Variants in RGS7 observed in about 807,000 individuals in gnomAD.
The protein encoded by RGS7 is regulator of G-protein signaling 7.
In RGS7, 27 loss-of-function variants were observed where a neutral mutation model predicts 81.1. The ratio of observed to expected loss-of-function variants is 0.33; its 90% CI spans 0.25 to 0.46. RGS7 has a LOEUF of 0.46. Ranked by LOEUF, RGS7 falls within the 20% of genes least tolerant of loss-of-function variation. The pLI is 1.00. For synonymous variants in RGS7, 208 were observed against 207.7 expected, an observed-to-expected ratio of 1.00 and a Z score of -0.01; for missense variants, 396 against 607.4, an observed-to-expected ratio of 0.65 and a Z score of 3.66.
chr1:241,240,021 A>T (rs959205103), intron 2 of RGS7, among the ~76,000 whole-genome samples: 5 of 152,216 alleles, frequency 3.3e-5, no homozygotes, highest in African/African-American at 1.2e-4. Context: ...TCAGATAGAC[A>T]TTATAGAAAC....
chr1:240,807,943 G>A (rs1689159629), intron 14 of RGS7, among the ~76,000 whole-genome samples: 1 of 150,666 alleles, frequency 6.6e-6, no homozygotes, highest in South Asian at 2.1e-4. Flanking sequence ...GCTGAGGCAC[G>A]AGAATCGCTT....
chr1:241,186,220 A>T (rs2072085333), intron 2 of RGS7, among the ~76,000 whole-genome samples: 1 of 152,198 alleles, frequency 6.6e-6, no homozygotes, highest in Admixed American at 6.5e-5. Flanking sequence ...TGACTCACTC[A>T]AAAACATTTT....
chr1:241,149,086 G>C (rs1057385800), intron 2 of RGS7, among the ~76,000 whole-genome samples: 7 of 152,202 alleles, frequency 4.6e-5, no homozygotes, highest in Non-Finnish European at 1.0e-4. Context: ...TATTTCTCAA[G>C]TGTTAGCTAT....
chr1:240,868,296 T>G lies in RGS7; in HGVS notation c.609+291A>C, dbSNP rs914730305. Among the ~76,000 whole-genome samples, 1 of 152,172 alleles carries G rather than the reference T, an allele frequency of 6.6e-6. No homozygotes were observed. Among genetic ancestry groups the G allele is most frequent in the African/African-American group, 2.4e-5 (1 of 41,448 alleles). On this transcript the variant is annotated intron_variant, in intron 9 of 18. Transcript: ENST00000440928. The surrounding 1 kb of genome is among the most constrained non-coding windows in gnomAD (Gnocchi z 5.1). ...AATAAAACATGAAAAACTGTTTTGTTGCAGTAGTTTTTCTTTCAAATGTAT... is the reference window on the plus strand; with the variant it reads ...AATAAAACATGAAAAACTGTTTTGTGGCAGTAGTTTTTCTTTCAAATGTAT...
At chr1:240,794,865 T>C (rs1004191493) in intron 18 of RGS7, among the ~76,000 whole-genome samples, 1 of 152,142 alleles carries the variant, frequency 6.6e-6, no homozygotes, top group Admixed American at 6.6e-5. Context: ...GAGGGAAATC[T>C]CACACTAGAT....
intron 2 of RGS7, among the ~76,000 whole-genome samples, chr1:241,190,047 G>C (rs1187989099): frequency 6.6e-6 from 1 of 152,078 alleles, no homozygotes; most frequent in Non-Finnish European, 1.5e-5. Flanking sequence ...AGCTTGCAGT[G>C]AGCCGAGATG....
chr1:241,106,956 AAAAT>A (rs1171842586), intron 2 of RGS7, among the ~76,000 whole-genome samples: 1 of 152,010 alleles, frequency 6.6e-6, no homozygotes, highest in Non-Finnish European at 1.5e-5. Flanking sequence ...ACCTCCACTG[AAAAT>A]AAATAAACAG....
At chr1:241,347,748 GAGTCACTC>G (rs1301843744) in intron 2 of RGS7, among the ~76,000 whole-genome samples, 1 of 152,044 alleles carries the variant, frequency 6.6e-6, no homozygotes, top group African/African-American at 2.4e-5. Context: ...GATGTTAGGA[GAGTCACTC>G]ACTTCAGACC....
At chr1:241,082,529 A>C (rs2063193298) in intron 3 of RGS7, among the ~76,000 whole-genome samples, 1 of 152,246 alleles carries the variant, frequency 6.6e-6, no homozygotes, top group South Asian at 2.1e-4. Context: ...TTTAAAAACA[A>C]ATCATTTCTC....
intron 2 of RGS7, among the ~76,000 whole-genome samples, chr1:241,104,028 C>T (rs1040361921): frequency 2.0e-5 from 3 of 152,188 alleles, no homozygotes; most frequent in Non-Finnish European, 2.9e-5. Context: ...GTACTACTTA[C>T]AAGCCATCTG....
intron 2 of RGS7, among the ~76,000 whole-genome samples, chr1:241,176,158 T>C (rs2071126289): frequency 6.6e-6 from 1 of 152,164 alleles, no homozygotes; most frequent in Admixed American, 6.5e-5. Context: ...AGGTCCCCTT[T>C]GTTATTATGA....
At chr1:241,097,961 C>G (rs1314142463) in intron 3 of RGS7, among the ~76,000 whole-genome samples, 1 of 152,146 alleles carries the variant, frequency 6.6e-6, no homozygotes, top group African/African-American at 2.4e-5. Context: ...ACGCTCTTTC[C>G]TCTCTATTCC....
chr1:240,885,005 T>A (rs1667099931), intron 6 of RGS7, among the ~76,000 whole-genome samples: 1 of 152,202 alleles, frequency 6.6e-6, no homozygotes, highest in African/African-American at 2.4e-5. Flanking sequence ...AAACTATGCA[T>A]CTGACAAAGG....
intron 3 of RGS7, among the ~76,000 whole-genome samples, chr1:241,046,672 G>A (rs2060947912): frequency 6.6e-6 from 1 of 152,128 alleles, no homozygotes; most frequent in Admixed American, 6.5e-5. Context: ...ACTCTCTCAT[G>A]GGCAGGAAAA....
chr1:240,995,116 A>G (rs1572171142), intron 3 of RGS7, among the ~76,000 whole-genome samples: 1 of 152,068 alleles, frequency 6.6e-6, no homozygotes, highest in Non-Finnish European at 1.5e-5. Context: ...TGATTTTTCT[A>G]TTTTATCCAG....
chr1:241,210,554 T>A (rs1430502418), intron 2 of RGS7, among the ~76,000 whole-genome samples: 1 of 152,222 alleles, frequency 6.6e-6, no homozygotes, highest in Non-Finnish European at 1.5e-5. Flanking sequence ...GAGTGAGGAC[T>A]TCAAACCCTT....
intron 6 of RGS7, among the ~76,000 whole-genome samples, chr1:240,884,042 C>T (rs1183535032): frequency 7.4e-6 from 1 of 135,268 alleles, no homozygotes; most frequent in Non-Finnish European, 1.5e-5. Context: ...CGCCATTGCA[C>T]TCCAGCCTGG....
chr1:241,291,877 A>G (rs575446549), intron 2 of RGS7, among the ~76,000 whole-genome samples: 1 of 152,282 alleles, frequency 6.6e-6, no homozygotes, highest in African/African-American at 2.4e-5. Context: ...CCCAGCCAGA[A>G]TTCCCAACAT....
At chr1:240,932,941 TG>T (rs1675826509) in intron 5 of RGS7, among the ~76,000 whole-genome samples, 1 of 131,482 alleles carries the variant, frequency 7.6e-6, no homozygotes, top group Non-Finnish European at 1.6e-5. Flanking sequence ...TGGACTGCAG[TG>T]GCGCGATCTC....
Sources: gnomAD v4.1 joint callset for allele counts (sites outside exome capture counted in the v4.1 genomes callset) on GRCh38, gnomAD v4.1.1 for gene constraint, Gnocchi (gnomAD v3.1) non-coding constraint, MANE v1.5 for transcripts, NCBI Gene and HGNC (gene_info 2026-07-23, HGNC 2026-07-21) for gene names.